ZNF721: variants seen among roughly 807,000 people sequenced by gnomAD.
The protein encoded by ZNF721 is zinc finger protein 721.
ZNF721 carries 2 observed loss-of-function variants against 2.4 expected under a neutral mutation model. That is an observed-to-expected ratio of 0.82 (90% confidence interval 0.34 to 2.58). The LOEUF (loss-of-function observed/expected upper bound fraction) is 2.58. Ranked by LOEUF, ZNF721 falls within the 30% of genes most tolerant of loss-of-function variation. ZNF721 has a pLI of 0.11. For synonymous variants in ZNF721, 398 were observed against 381.8 expected (o/e 1.04, Z -0.50); for missense variants, 1,187 against 1,085.5 (o/e 1.09, Z -1.31).
intron 2 of ZNF721, among the ~76,000 whole-genome samples, chr4:467,194 G>A (rs1352896184): frequency 1.3e-5 from 2 of 150,930 alleles, no homozygotes; most frequent in Non-Finnish European, 2.9e-5. Context: ...TCCAGCCTGG[G>A]TGACAGAGCA....
chr4:454,613 G>A (rs997227160), intron 2 of ZNF721, among the ~76,000 whole-genome samples: 4 of 152,178 alleles, frequency 2.6e-5, no homozygotes, highest in Admixed American at 2.6e-4. Flanking sequence ...GTGCTTACCT[G>A]TATCTGTAAT....
chr4:463,923 C>T (rs1715154432), intron 2 of ZNF721, among the ~76,000 whole-genome samples: 1 of 151,628 alleles, frequency 6.6e-6, no homozygotes, highest in South Asian at 2.1e-4. Flanking sequence ...AAATAAATTG[C>T]TAATACAGAT....
intron 2 of ZNF721, among the ~76,000 whole-genome samples, chr4:463,502 A>C (rs1715134152): frequency 6.6e-6 from 1 of 152,234 alleles, no homozygotes; most frequent in South Asian, 2.1e-4. Flanking sequence ...ATTTGGAACC[A>C]ACCCAAATGC....
chr4:465,740 C>T (rs115770394), intron 2 of ZNF721, among the ~76,000 whole-genome samples: 4,330 of 150,962 alleles, frequency 0.029, 64 homozygotes, highest in Middle Eastern at 0.068. Context: ...GGCCAAGCTA[C>T]GCTTTTATAA....
At chr4:454,521 T>C (rs1714784058) in intron 2 of ZNF721, among the ~76,000 whole-genome samples, 1 of 152,192 alleles carries the variant, frequency 6.6e-6, no homozygotes, top group South Asian at 2.1e-4. Context: ...GTTATGTGTA[T>C]ATCCCTGACA....
intron 1 of ZNF721, among the ~76,000 whole-genome samples, chr4:483,782 C>T (rs1217960786): frequency 6.6e-6 from 1 of 152,082 alleles, no homozygotes; most frequent in Non-Finnish European, 1.5e-5. Flanking sequence ...ATATTTAATC[C>T]TAACATAATA....
Position 442,423 on chromosome 4 carries a change from T to C in ZNF721, c.2044A>G (p.Ile682Val), listed in dbSNP as rs782055825. Reference protein sequence around the residue: ...EECGKAFGWSIALNQHKKIHT... With the variant: ...EECGKAFGWSVALNQHKKIHT... ...ATTTTCTTGTGTTGATTCAGGGCTATGGACCATCCAAAGGCTTTGCCACAC... is the reference window on the plus strand; with the variant it reads ...ATTTTCTTGTGTTGATTCAGGGCTACGGACCATCCAAAGGCTTTGCCACAC... The change falls in exon 3 of 3, where the codon ATA (isoleucine) becomes GTA (valine). Residue 682 changes from isoleucine (I) to valine (V), a missense_variant. Transcript: ENST00000511833. 6 of 1,613,726 alleles carry C rather than the reference T, an allele frequency of 3.7e-6. No homozygotes were observed. The highest frequency in any genetic ancestry group is 4.2e-6 in the Non-Finnish European group (5 of 1,179,804).
intron 2 of ZNF721, among the ~76,000 whole-genome samples, chr4:449,970 G>GA (rs1357535926): frequency 8.6e-5 from 13 of 151,976 alleles, no homozygotes; most frequent in Non-Finnish European, 1.6e-4. Context: ...AGCCATTATA[G>GA]AAAAAAATAA....
intron 2 of ZNF721, among the ~76,000 whole-genome samples, chr4:458,946 C>A (rs2108701176): frequency 6.6e-6 from 1 of 152,312 alleles, no homozygotes; most frequent in South Asian, 2.1e-4. Flanking sequence ...ATCAGACTAA[C>A]AGCAGATCTC....
chr4:479,051 A>G (rs570838609), intron 1 of ZNF721, among the ~76,000 whole-genome samples: 2 of 152,166 alleles, frequency 1.3e-5, no homozygotes, highest in South Asian at 2.1e-4. Context: ...ACAGGTGTGA[A>G]CCACCGCGCC....
intron 1 of ZNF721, among the ~76,000 whole-genome samples, chr4:486,901 G>A (rs1289530274): frequency 2.6e-5 from 4 of 152,140 alleles, no homozygotes; most frequent in Admixed American, 6.5e-5. Flanking sequence ...ATGGATGGAT[G>A]GGATGACATT....
chr4:492,244 G>C (rs1430347444), intron 1 of ZNF721, among the ~76,000 whole-genome samples: 1 of 151,134 alleles, frequency 6.6e-6, no homozygotes, highest in African/African-American at 2.4e-5. Flanking sequence ...CTTTATAACT[G>C]AATAGAAATT....
chr4:473,408 C>A (rs1278115883), intron 1 of ZNF721, among the ~76,000 whole-genome samples: 2 of 152,148 alleles, frequency 1.3e-5, no homozygotes, highest in Admixed American at 1.3e-4. Flanking sequence ...CAATCATCAT[C>A]CTGATGCCAC....
chr4:443,414 A>G lies in ZNF721; in HGVS notation c.1053T>C (p.His351=), dbSNP rs781826291. Residue 351 remains histidine (H), a synonymous_variant, in exon 3 of 3, where the codon CAT becomes CAC. Transcript: ENST00000511833. The part of the protein sequence containing the change: ...TFRQSANLYV[H]RRIHTGEKPY... ...GTTTCTCTCCAGTATGAATTCTCCTATGTACGTAAAGGTTTGCGGACTGTC... is the reference window on the plus strand; with the variant it reads ...GTTTCTCTCCAGTATGAATTCTCCTGTGTACGTAAAGGTTTGCGGACTGTC... 36 of 1,612,874 alleles carry G rather than the reference A, an allele frequency of 2.2e-5. No individual in the cohort carries two copies. The highest frequency in any genetic ancestry group is 3.0e-5 in the Non-Finnish European group (35 of 1,179,116).
intron 1 of ZNF721, 37 bp from the exon 2 acceptor site, chr4:472,738 AT>A (rs1256935474): frequency 6.2e-7 from 1 of 1,607,360 alleles, no homozygotes; most frequent in African/African-American, 1.3e-5. Flanking sequence ...AGAGTTCTTA[AT>A]TTGACTACAG....
At position 451,454 on chromosome 4, in the gene ZNF721, T is replaced by A. The variant is rs541541717; in HGVS notation, c.35-7022A>T. 5.7e-4 allele frequency among the ~76,000 whole-genome samples: 86 copies of A among 151,950 alleles called. 1 individual carries two copies. Among genetic ancestry groups the A allele is most frequent in the Non-Finnish European group, 1.1e-3 (76 of 68,006 alleles). On this transcript the variant is annotated intron_variant, in intron 2 of 2. Transcript: ENST00000511833. ...CAACTCATTACAAAAATAGCTAGGG[T>A]CTCATAGCATGACGAAGCTTCATGA...
rs1714398955 is a variant in ZNF721 at position 444,339 on chromosome 4, C to G, written c.128G>C (p.Gly43Ala). Reference protein sequence around the residue: ...KLILRRYEKCGHDNLQLRKGC... With the variant: ...KLILRRYEKCAHDNLQLRKGC... ...TTTCCTTAATTGTAAATTATCATGC[C>G]CACATTTCTCATATCTTCTCAGTAT... The change falls in exon 3 of 3, where the codon GGG becomes GCG. Residue 43 changes from glycine to alanine, a missense_variant. By Grantham distance (60) the Gly-to-Ala change is moderately conservative (BLOSUM62 0). Transcript: ENST00000511833. 6.2e-7 allele frequency: 1 copy of G among 1,614,024 alleles called. No homozygotes were observed. The highest frequency in any genetic ancestry group is 1.7e-5 in the Admixed American group (1 of 60,014).
intron 2 of ZNF721, 64 bp downstream of exon 2, chr4:472,511 C>G: frequency 1.3e-6 from 2 of 1,539,126 alleles, no homozygotes; most frequent in Non-Finnish European, 1.8e-6. Flanking sequence ...AAAAGACATT[C>G]TACAAAAATA....
rs782016977 is a variant in ZNF721 at position 482,784 on chromosome 4, C to T, written c.-93-10083G>A. On this transcript the variant is annotated intron_variant, in intron 1 of 2. Transcript: ENST00000511833. ...TGCTGGGATTACAGGTGTGAGCCAC[C>T]GCGCTTGGCCTTATTCATCAAGTTT... Among the ~76,000 whole-genome samples, 6 of 152,158 alleles carry T rather than the reference C, an allele frequency of 3.9e-5. No homozygotes were observed. The South Asian group carries it at 6.2e-4, about 16-fold the overall frequency.
Sources: allele counts gnomAD v4.1 joint callset (sites outside exome capture counted in the v4.1 genomes callset), GRCh38; gene constraint gnomAD v4.1.1; transcripts MANE v1.5; gene names NCBI Gene and HGNC (gene_info 2026-07-23, HGNC 2026-07-21).